The following CHCHD3 variants were observed in gnomAD, a reference collection of about 807,000 sequenced individuals.
CHCHD3 encodes the protein MICOS complex subunit MIC19.
CHCHD3 carries 20 observed loss-of-function variants against 38.2 expected under a neutral mutation model. The observed-to-expected ratio is 0.52, with a 90% CI of 0.37 to 0.76. The LOEUF (loss-of-function observed/expected upper bound fraction) is 0.76, where lower values mean the gene tolerates loss of function less well. CHCHD3 is among the 30% of genes least tolerant of loss of function. The pLI is 0.00. For synonymous variants in CHCHD3, 82 were observed against 100.0 expected (o/e 0.82, Z 1.07); for missense variants, 245 against 279.2 (o/e 0.88, Z 0.87).
At chr7:133,081,757 G>T in intron 1 of CHCHD3, 100 bp downstream of exon 1, 1 of 1,203,724 alleles carries the variant, frequency 8.3e-7, no homozygotes, top group South Asian at 1.3e-5. Context: ...ATACGCTAGG[G>T]TCCAGGACGG....
At chr7:132,854,204 A>G (rs1253981033) in intron 5 of CHCHD3, among the ~76,000 whole-genome samples, 1 of 152,228 alleles carries the variant, frequency 6.6e-6, no homozygotes, top group Non-Finnish European at 1.5e-5. Flanking sequence ...ACAAAAATTT[A>G]GCTAAAAATT....
At chr7:132,789,408 T>C (rs1160019541) in intron 7 of CHCHD3, among the ~76,000 whole-genome samples, 1 of 152,206 alleles carries the variant, frequency 6.6e-6, no homozygotes, top group African/African-American at 2.4e-5. Context: ...TGAACACTGC[T>C]CTTTTCCCAA....
At chr7:132,816,079 C>T (rs1323003414) in intron 6 of CHCHD3, among the ~76,000 whole-genome samples, 3 of 152,132 alleles carry the variant, frequency 2.0e-5, no homozygotes, top group African/African-American at 7.2e-5. Context: ...TTTCTTGGTT[C>T]GGCACTTTCT....
chr7:133,054,590 C>T lies in CHCHD3; in HGVS notation c.169+15552G>A, dbSNP rs142918003. Among the ~76,000 whole-genome samples, 349 of 152,186 alleles carry T rather than the reference C, an allele frequency of 2.3e-3. 2 individuals are homozygous for T. Among genetic ancestry groups the T allele is most frequent in the African/African-American group, 8.1e-3 (336 of 41,532 alleles). ...CTTTATTGACACAAAATGTGTATAA[C>T]ATAAAATTTACCCATTTAAAGTACC... On this transcript the variant is annotated intron_variant, in intron 2 of 7. Coordinates refer to ENST00000262570, the MANE Select transcript of CHCHD3 (RefSeq NM_017812.4).
intron 4 of CHCHD3, among the ~76,000 whole-genome samples, chr7:132,915,221 A>G (rs1372072514): frequency 6.6e-6 from 1 of 152,108 alleles, no homozygotes; most frequent in African/African-American, 2.4e-5. Context: ...CCACTGGAAG[A>G]GAGCGGCAAG....
In CHCHD3 at chr7:132,834,983, T is replaced by TATTC. The variant is rs1309330986; in HGVS notation, c.524+3415_524+3416insGAAT. Among the ~76,000 whole-genome samples, 603 of 139,946 alleles carry TATTC rather than the reference T, an allele frequency of 4.3e-3. 11 individuals are homozygous for TATTC. Among genetic ancestry groups the TATTC allele is most frequent in the African/African-American group, 0.015 (579 of 39,814 alleles). 91.8% of individuals were successfully genotyped at this position (139,946 alleles called of 152,430 possible). On this transcript the variant is annotated intron_variant, in intron 6 of 7. Coordinates refer to ENST00000262570, the MANE Select transcript of CHCHD3 (RefSeq NM_017812.4). ...TTATTTATTTATTTATTTATTTATTTATTTAGAGACAGGGTCTTGATCTGT... is the reference window on the plus strand; with the variant it reads ...TTATTTATTTATTTATTTATTTATTTATTCATTTAGAGACAGGGTCTTGATCTGT...
chr7:133,081,346 G>A (rs1232388612), intron 1 of CHCHD3, among the ~76,000 whole-genome samples: 1 of 152,068 alleles, frequency 6.6e-6, no homozygotes, highest in Non-Finnish European at 1.5e-5. Flanking sequence ...AGACTGTGGG[G>A]CTGGGAGGGA....
chr7:132,817,533 T>C (rs1195576754), intron 6 of CHCHD3, among the ~76,000 whole-genome samples: 1 of 152,172 alleles, frequency 6.6e-6, no homozygotes, highest in Admixed American at 6.5e-5. Flanking sequence ...CTTGGAGCTA[T>C]TGCAGATATT....
Position 133,035,716 on chromosome 7 carries a change from C to T in CHCHD3, c.170-11089G>A, listed in dbSNP as rs1813654309. On this transcript the variant is annotated intron_variant, in intron 2 of 7. Transcript: ENST00000262570. This position sits in a 1 kb window ranked among gnomAD's most constrained non-coding sequence, Gnocchi z 4.7. ...TAGGCAATGGCGTTGCTCTCAAACACACAGAATCCATCATCACCCTCAAAT... is the reference window on the plus strand; with the variant it reads ...TAGGCAATGGCGTTGCTCTCAAACATACAGAATCCATCATCACCCTCAAAT... 4 of 1,613,412 alleles carry T rather than the reference C, an allele frequency of 2.5e-6. No homozygotes were observed. Among genetic ancestry groups the T allele is most frequent in the Non-Finnish European group, 3.4e-6 (4 of 1,179,416 alleles).
Position 132,902,131 on chromosome 7 carries a change from T to G in CHCHD3, c.370-16386A>C, listed in dbSNP as rs180795657. The stretch of plus-strand genomic sequence containing the variant: ...TCAAAAACCACAATGAGATACCATC[T>G]CATTTAGAATGGCAATCATTAAAAA... On this transcript the variant is annotated intron_variant, in intron 4 of 7. Transcript: ENST00000262570. 2.0e-3 allele frequency among the ~76,000 whole-genome samples: 309 copies of G among 152,294 alleles called. 3 individuals are homozygous for G. Among genetic ancestry groups the G allele is most frequent in the African/African-American group, 7.3e-3 (302 of 41,560 alleles).
intron 7 of CHCHD3, among the ~76,000 whole-genome samples, chr7:132,791,496 G>A (rs534321868): frequency 6.6e-6 from 1 of 152,302 alleles, no homozygotes; most frequent in East Asian, 1.9e-4. Flanking sequence ...GAGTTCATCT[G>A]AAAACAATGA....
intron 3 of CHCHD3, among the ~76,000 whole-genome samples, 174 bp from the exon 4 acceptor site, chr7:132,975,460 C>T (rs1411811629): frequency 6.6e-6 from 1 of 152,166 alleles, no homozygotes; most frequent in Non-Finnish European, 1.5e-5. Flanking sequence ...CCCCATGCAG[C>T]CTCCACTCAA....
At chr7:132,893,323 A>G (rs1303064680) in intron 4 of CHCHD3, among the ~76,000 whole-genome samples, 1 of 152,018 alleles carries the variant, frequency 6.6e-6, no homozygotes, top group Non-Finnish European at 1.5e-5. Context: ...TAGCCTCCTT[A>G]TTTTGGCCAA....
chr7:132,854,342 T>C (rs187621756), intron 5 of CHCHD3, among the ~76,000 whole-genome samples: 1 of 152,316 alleles, frequency 6.6e-6, no homozygotes, highest in East Asian at 1.9e-4. Context: ...GGTTTGTTTT[T>C]TCCCCCTTTC....
At chr7:132,840,767 T>C (rs1173506175) in intron 5 of CHCHD3, among the ~76,000 whole-genome samples, 11 of 152,220 alleles carry the variant, frequency 7.2e-5, no homozygotes, top group Admixed American at 6.5e-5. Flanking sequence ...TAAGTATTAC[T>C]TGTTTTATTA....
intron 4 of CHCHD3, among the ~76,000 whole-genome samples, chr7:132,972,023 G>A (rs1811625743): frequency 6.6e-6 from 1 of 152,186 alleles, no homozygotes; most frequent in African/African-American, 2.4e-5. Flanking sequence ...TACTGGTTTG[G>A]AGGGTGGTGG....
intron 4 of CHCHD3, among the ~76,000 whole-genome samples, chr7:132,949,712 AAATAT>A (rs1810992234): frequency 6.6e-6 from 1 of 152,182 alleles, no homozygotes; most frequent in Admixed American, 6.6e-5. Flanking sequence ...AAAGTTAATA[AAATAT>A]GTCTTAAGAC....
chr7:133,004,812 C>A (rs1488468028), intron 3 of CHCHD3, among the ~76,000 whole-genome samples: 1 of 152,120 alleles, frequency 6.6e-6, no homozygotes, highest in Non-Finnish European at 1.5e-5. Context: ...ACCTGATTAC[C>A]ATGGCACGGC....
chr7:133,017,980 G>A (rs1401401953), intron 3 of CHCHD3, among the ~76,000 whole-genome samples: 1 of 152,122 alleles, frequency 6.6e-6, no homozygotes, highest in Non-Finnish European at 1.5e-5. Context: ...GAAAAATACT[G>A]GGTGGCTAGG....
Sources: gnomAD v4.1 joint callset for allele counts (sites outside exome capture counted in the v4.1 genomes callset) on GRCh38, gnomAD v4.1.1 for gene constraint, Gnocchi (gnomAD v3.1) non-coding constraint, MANE v1.5 for transcripts, NCBI Gene and HGNC (gene_info 2026-07-23, HGNC 2026-07-21) for gene names.